The following CACNA1A variants were observed in gnomAD, a reference collection of about 807,000 sequenced individuals.
The protein encoded by CACNA1A is calcium voltage-gated channel subunit alpha1 A.
CACNA1A carries 57 observed loss-of-function variants against 262.4 expected under a neutral mutation model. The observed-to-expected ratio is 0.22, with a 90% CI of 0.18 to 0.27. The LOEUF (loss-of-function observed/expected upper bound fraction) is 0.27. Among genes scored for constraint, CACNA1A ranks in the 10% least tolerant of loss-of-function variants. The pLI, the probability that CACNA1A is intolerant of heterozygous loss-of-function variation, is 1.00. For synonymous variants in CACNA1A, 1,431 were observed against 1,419.3 expected (o/e 1.01, Z -0.18); for missense variants, 2,526 against 3,562.8 (o/e 0.71, Z 7.41).
intron 3 of CACNA1A, among the ~76,000 whole-genome samples, chr19:13,396,304 C>T (rs1162422023): frequency 6.6e-6 from 1 of 152,236 alleles, no homozygotes; most frequent in Non-Finnish European, 1.5e-5. Flanking sequence ...AAGCAGCTCA[C>T]TCAACTTTCT....
intron 4 of CACNA1A, among the ~76,000 whole-genome samples, chr19:13,367,635 G>A (rs928736382): frequency 3.3e-5 from 5 of 152,162 alleles, no homozygotes; most frequent in Non-Finnish European, 5.9e-5. Context: ...GGCTGAGGCA[G>A]GAGAATGGTG....
At chr19:13,332,527 C>T (rs571652344) in intron 9 of CACNA1A, among the ~76,000 whole-genome samples, 4 of 152,232 alleles carry the variant, frequency 2.6e-5, no homozygotes, top group South Asian at 2.1e-4. Context: ...CAAACAGAAA[C>T]GTGCTGACCC....
In CACNA1A at chr19:13,212,355, G is replaced by T; in HGVS notation, c.6189+29C>A. On this transcript the variant is annotated intron_variant, in intron 42 of 46. Coordinates refer to ENST00000360228, the MANE Select transcript of CACNA1A (RefSeq NM_001127222.2). The surrounding 1 kb of genome is among the most constrained non-coding windows in gnomAD (Gnocchi z 5.6). The stretch of plus-strand genomic sequence containing the variant: ...CACCTGAACCACCCGGGCCCTGGGA[G>T]CCATTGGGGAGTTGGGGGACAGAGG... 6.2e-7 allele frequency: 1 copy of T among 1,613,052 alleles called. No homozygotes were observed. Among genetic ancestry groups the T allele is most frequent in the South Asian group, 1.1e-5 (1 of 90,888 alleles).
chr19:13,440,707 T>TC (rs1431756638), intron 3 of CACNA1A, among the ~76,000 whole-genome samples: 1 of 152,202 alleles, frequency 6.6e-6, no homozygotes, highest in Non-Finnish European at 1.5e-5. Context: ...CTTCAGACTG[T>TC]CCCTGGGCAA....
intron 36 of CACNA1A, chr19:13,228,864 G>A: frequency 2.4e-6 from 2 of 821,268 alleles, no homozygotes; most frequent in East Asian, 6.4e-5. Context: ...ACACAGCGAG[G>A]TCATGATGCC....
At chr19:13,482,848 TTGTG>T (rs34754803) in intron 1 of CACNA1A, among the ~76,000 whole-genome samples, 17,612 of 133,764 alleles carry the variant, frequency 0.13, 1,179 homozygotes, top group Middle Eastern at 0.19. Flanking sequence ...TTCTCTCAAC[TTGTG>T]TGTGTGTGTG....
At chr19:13,321,004 C>G (rs996722533) in intron 10 of CACNA1A, among the ~76,000 whole-genome samples, 2 of 151,496 alleles carry the variant, frequency 1.3e-5, no homozygotes, top group South Asian at 4.2e-4. Context: ...GTAACTGGTA[C>G]CAGTCTGAAA....
intron 22 of CACNA1A, among the ~76,000 whole-genome samples, chr19:13,280,561 A>G (rs2057265993): frequency 6.6e-6 from 1 of 152,066 alleles, no homozygotes. Context: ...GACAGTATTC[A>G]CACTTAGAAA....
intron 10 of CACNA1A, among the ~76,000 whole-genome samples, chr19:13,327,306 T>C (rs1002479748): frequency 6.6e-6 from 1 of 151,994 alleles, no homozygotes; most frequent in African/African-American, 2.4e-5. Flanking sequence ...GGCTCCTTTC[T>C]TTGTCTTTTT....
chr19:13,396,824 C>G (rs1568605562), intron 3 of CACNA1A, among the ~76,000 whole-genome samples: 1 of 148,394 alleles, frequency 6.7e-6, no homozygotes, highest in South Asian at 2.1e-4. Flanking sequence ...TGCTTTGCTC[C>G]GTTTCCGGTT....
chr19:13,326,828 T>C (rs554094572), intron 10 of CACNA1A, among the ~76,000 whole-genome samples: 4 of 150,694 alleles, frequency 2.7e-5, no homozygotes, highest in Non-Finnish European at 5.9e-5. Context: ...TGTGGTATAA[T>C]GTGAACGTGA....
At chr19:13,287,995 G>A (rs559177897) in intron 19 of CACNA1A, among the ~76,000 whole-genome samples, 3 of 152,078 alleles carry the variant, frequency 2.0e-5, no homozygotes, top group Admixed American at 2.0e-4. Context: ...AGAGACTGGC[G>A]TCTCACTATG....
Position 13,298,755 on chromosome 19 carries a change from C to T in CACNA1A, c.2878G>A (p.Ala960Thr). ...CCCTCCTCCCCGGGCCTGCGGTGCGCGCGATGACGTCGATGCTCCCCGTCC... is the reference window on the plus strand; with the variant it reads ...CCCTCCTCCCCGGGCCTGCGGTGCGTGCGATGACGTCGATGCTCCCCGTCC... ...GADGEHRRHR[A>T]HRRPGEEGPE... Residue 960 changes from alanine to threonine, a missense_variant, in exon 19 of 47, where the codon GCG becomes ACG. Coordinates refer to ENST00000360228, the MANE Select transcript of CACNA1A (RefSeq NM_001127222.2). 6.6e-7 allele frequency: 1 copy of T among 1,512,480 alleles called. No individual in the cohort carries two copies. The highest frequency in any genetic ancestry group is 8.8e-7 in the Non-Finnish European group (1 of 1,137,746). 93.7% of individuals were successfully genotyped at this position (1,512,480 alleles called of 1,614,324 possible).
chr19:13,368,942 G>C (rs1217310035), intron 4 of CACNA1A, among the ~76,000 whole-genome samples: 1 of 142,098 alleles, frequency 7.0e-6, no homozygotes, highest in Non-Finnish European at 1.5e-5. Context: ...GGAGGCTGAG[G>C]CAGGAGAATG....
intron 3 of CACNA1A, among the ~76,000 whole-genome samples, chr19:13,443,915 G>A (rs537154243): frequency 5.1e-4 from 77 of 152,134 alleles, no homozygotes; most frequent in Non-Finnish European, 8.8e-4. Flanking sequence ...AAAGGCTAGC[G>A]AGGCTCAATG....
chr19:13,441,441 T>C (rs2060717735), intron 3 of CACNA1A, among the ~76,000 whole-genome samples: 1 of 151,134 alleles, frequency 6.6e-6, no homozygotes, highest in South Asian at 2.1e-4. Flanking sequence ...CCAAGGCGAG[T>C]GGATCACCTG....
At chr19:13,283,184 A>C (rs1426667911) in intron 22 of CACNA1A, 83 bp downstream of exon 22, 15 of 1,544,692 alleles carry the variant, frequency 9.7e-6, no homozygotes, top group Non-Finnish European at 1.2e-5. Context: ...ATCCCACCCT[A>C]CCTATGAGCA....
chr19:13,246,438 T>C lies in CACNA1A; in HGVS notation c.4867-1173A>G, dbSNP rs186071730. Among the ~76,000 whole-genome samples the C allele has an allele frequency of 2.0e-5, 3 of 152,284 alleles. No individual in the cohort carries two copies. The East Asian group carries it at 5.8e-4, about 29-fold the overall frequency. On this transcript the variant is annotated intron_variant, in intron 30 of 46. Coordinates refer to ENST00000360228, the MANE Select transcript of CACNA1A (RefSeq NM_001127222.2). Reference sequence around the variant, plus strand: ...GTAACATTTTGAATGGCAGCTACTCTGTGAGCCTGGGTCCCTGGGTAACTA... The same window carrying C: ...GTAACATTTTGAATGGCAGCTACTCCGTGAGCCTGGGTCCCTGGGTAACTA...
In CACNA1A at chr19:13,209,382, G is replaced by A. The variant is rs759949928; in HGVS notation, c.6456C>T (p.His2152=). ...GGTGGCTGCGGTCGCGGCGCCGCTG[G>A]TGGTGCCGCTGGTTCTCCTCGGGCG... ...RVPPEENQRH[H]QRRRDRSHRA... is the part of the protein sequence containing the mutation. The change falls in exon 45 of 47, where the codon CAC becomes CAT. Residue 2152 remains histidine, a synonymous_variant. Coordinates refer to ENST00000360228, the MANE Select transcript of CACNA1A (RefSeq NM_001127222.2). The A allele has an allele frequency of 7.1e-7, 1 of 1,400,688 alleles. No homozygotes were observed. Among genetic ancestry groups the A allele is most frequent in the Admixed American group, 3.3e-5 (1 of 30,438 alleles). The allele number at this position is 1,400,688 out of a possible 1,614,324, so 86.8% of individuals were successfully genotyped here.
Sources: gnomAD v4.1 joint callset for allele counts (sites outside exome capture counted in the v4.1 genomes callset) on GRCh38, gnomAD v4.1.1 for gene constraint, Gnocchi (gnomAD v3.1) non-coding constraint, MANE v1.5 for transcripts, NCBI Gene and HGNC (gene_info 2026-07-23, HGNC 2026-07-21) for gene names.